The following SEPTIN11 variants were observed in gnomAD, a reference collection of about 807,000 sequenced individuals.
SEPTIN11 encodes septin 11.
SEPTIN11 carries 25 observed loss-of-function variants against 51.4 expected under a neutral mutation model. That is an observed-to-expected ratio of 0.49 (90% CI 0.35 to 0.68). The LOEUF is 0.68. Ranked by LOEUF, SEPTIN11 falls within the 30% of genes least tolerant of loss-of-function variation. The pLI, the probability that SEPTIN11 is intolerant of heterozygous loss-of-function variation, is 0.00. For synonymous variants in SEPTIN11, 174 were observed against 184.1 expected, an observed-to-expected ratio of 0.95 and a Z score of 0.44; for missense variants, 381 against 520.8, an observed-to-expected ratio of 0.73 and a Z score of 2.61.
intron 1 of SEPTIN11, chr4:76,973,098 C>T (rs1722318553): frequency 6.6e-6 from 1 of 152,198 alleles, no homozygotes; most frequent in Non-Finnish European, 1.5e-5. Context: ...GTGATGGGGC[C>T]TGTTATGCTT....
Position 77,028,612 on chromosome 4 carries a change from T to C in SEPTIN11, c.954-17T>C. The stretch of plus-strand genomic sequence containing the variant: ...ACAATTTCATGATGCTGTCCTTCGT[T>C]TGTGGATTTTCAATAGTCTTCAGGA... On this transcript the variant is annotated splice_polypyrimidine_tract_variant and intron_variant, in intron 7 of 9. Coordinates refer to ENST00000264893, the MANE Select transcript of SEPTIN11 (RefSeq NM_018243.4). The C allele has an allele frequency of 6.3e-7, 1 of 1,578,470 alleles. No individual in the cohort carries two copies. The highest frequency in any genetic ancestry group is 8.6e-7 in the Non-Finnish European group (1 of 1,166,238).
At chr4:77,005,491 T>C (rs935952289) in intron 2 of SEPTIN11, 110 bp from the exon 3 acceptor site, 2 of 944,056 alleles carry the variant, frequency 2.1e-6, no homozygotes, top group Non-Finnish European at 3.1e-6. Flanking sequence ...CTGGTGACAG[T>C]TTTTCTTTTT....
chr4:76,996,367 G>A, intron 1 of SEPTIN11, 58 bp from the exon 2 acceptor site: 1 of 1,146,118 alleles, frequency 8.7e-7, no homozygotes, highest in Non-Finnish European at 1.3e-6. Context: ...TTTGTGATAT[G>A]TGATATCCAG....
chr4:76,990,689 GA>G (rs1188472946), intron 1 of SEPTIN11, among the ~76,000 whole-genome samples: 1 of 152,180 alleles, frequency 6.6e-6, no homozygotes, highest in African/African-American at 2.4e-5. Flanking sequence ...CCTGTCCGTG[GA>G]AAAATGGTCT....
Position 76,999,919 on chromosome 4 carries a change from C to A in SEPTIN11, c.142+3380C>A, listed in dbSNP as rs569247974. ...AGCCACATTTTAGTTTAAATAAAGC[C>A]TTTCATATTTTACCCATGCTGTAAT... On this transcript the variant is annotated intron_variant, in intron 2 of 9. Transcript: ENST00000264893. Among the ~76,000 whole-genome samples, 315 of 152,266 alleles carry A rather than the reference C, an allele frequency of 2.1e-3. 1 individual carries two copies. Among genetic ancestry groups the A allele is most frequent in the Non-Finnish European group, 2.5e-3 (167 of 68,022 alleles).
At position 77,035,469 on chromosome 4, in the gene SEPTIN11, T is replaced by A; in HGVS notation, c.*957T>A. ...ATCATGAGAAAATTTCCACAGATAC[T>A]TCCCTTAGAAAATTTGCTATAAACT... On this transcript the variant is annotated 3_prime_UTR_variant, in exon 10 of 10. Coordinates refer to ENST00000264893, the MANE Select transcript of SEPTIN11 (RefSeq NM_018243.4). 1 of 985,408 alleles carries A rather than the reference T, an allele frequency of 1.0e-6. No individual in the cohort carries two copies. Among genetic ancestry groups the A allele is most frequent in the South Asian group, 4.7e-5 (1 of 21,288 alleles). The allele number at this position is 985,408 out of a possible 1,614,324, so 61.0% of individuals were successfully genotyped here. A position where few individuals can be genotyped will look rare whatever the true frequency, so the allele number is the denominator to read the frequency against.
chr4:77,016,647 T>TACAC (rs1199232307), intron 5 of SEPTIN11, among the ~76,000 whole-genome samples: 3 of 129,004 alleles, frequency 2.3e-5, no homozygotes, highest in East Asian at 2.2e-4. Flanking sequence ...TATATATATA[T>TACAC]ATATATATAC....
chr4:77,038,255 T>C lies in SEPTIN11; in HGVS notation c.*3743T>C. ...AAAAGCTGTGAACAGCATTAGAACT[T>C]TGTCTATTTCTTAATTTTAAAATAT... On this transcript the variant is annotated 3_prime_UTR_variant, in exon 10 of 10. Coordinates refer to ENST00000264893, the MANE Select transcript of SEPTIN11 (RefSeq NM_018243.4). 1 of 985,686 alleles carries C rather than the reference T, an allele frequency of 1.0e-6. No individual in the cohort carries two copies. Among genetic ancestry groups the C allele is most frequent in the Non-Finnish European group, 1.2e-6 (1 of 829,740 alleles). The allele number at this position is 985,686 out of a possible 1,614,324, so 61.1% of individuals were successfully genotyped here.
intron 7 of SEPTIN11, among the ~76,000 whole-genome samples, chr4:77,023,269 T>TACACACACACACACAC (rs61693678): frequency 7.2e-6 from 1 of 139,256 alleles, no homozygotes; most frequent in Admixed American, 7.4e-5. Flanking sequence ...GGAAAATGTA[T>TACACACACACACACAC]ACACACACAC....
At chr4:77,014,162 A>G (rs1385466106) in intron 4 of SEPTIN11, among the ~76,000 whole-genome samples, 2 of 152,192 alleles carry the variant, frequency 1.3e-5, no homozygotes, top group African/African-American at 4.8e-5. Context: ...TTATTCTGGC[A>G]TGAAGGAGTA....
At position 77,036,729 on chromosome 4, in the gene SEPTIN11, CT is replaced by C. The variant is rs1727051812; in HGVS notation, c.*2221del. Reference sequence around the variant, plus strand: ...AGCCCTGTTTAGTTTGTTATTGCTGCTTTTCTTTTTTCTTTCTGTATCTATG... The same window carrying C: ...AGCCCTGTTTAGTTTGTTATTGCTGCTTTCTTTTTTCTTTCTGTATCTATG... On this transcript the variant is annotated 3_prime_UTR_variant, in exon 10 of 10. Transcript: ENST00000264893. 6.5e-7 allele frequency: 1 copy of C among 1,535,068 alleles called. No individual in the cohort carries two copies. The highest frequency in any genetic ancestry group is 2.0e-5 in the Admixed American group (1 of 50,928).
At chr4:77,022,138 C>G (rs1296265040) in intron 7 of SEPTIN11, among the ~76,000 whole-genome samples, 2 of 152,128 alleles carry the variant, frequency 1.3e-5, no homozygotes, top group Non-Finnish European at 2.9e-5. Context: ...GTTACTAAAC[C>G]TGATGAAATG....
chr4:76,970,992 T>G (rs1722214156), intron 1 of SEPTIN11, among the ~76,000 whole-genome samples: 1 of 152,234 alleles, frequency 6.6e-6, no homozygotes, highest in African/African-American at 2.4e-5. Context: ...TCATTAGATA[T>G]CTTTGTCCTG....
intron 8 of SEPTIN11, 21 bp from the exon 9 acceptor site, chr4:77,030,762 C>T: frequency 1.9e-6 from 3 of 1,574,636 alleles, no homozygotes; most frequent in South Asian, 1.2e-5. Context: ...TTCACCAAGC[C>T]TGTTTTCTTT....
chr4:76,996,600 CGGAGAGACATGCTTCAGTGA>C, intron 2 of SEPTIN11, 61 bp downstream of exon 2: 3 of 1,170,552 alleles, frequency 2.6e-6, no homozygotes, highest in South Asian at 1.3e-5. Flanking sequence ...AGGTAACTGT[CGGAGAGACATGCTTCAGTGA>C]AATAAGAATG....
Position 77,020,651 on chromosome 4 carries a change from C to G in SEPTIN11, c.934C>G (p.Pro312Ala). 1 of 1,614,026 alleles carries G rather than the reference C, an allele frequency of 6.2e-7. No homozygotes were observed. Among genetic ancestry groups the G allele is most frequent in the Middle Eastern group, 1.6e-4 (1 of 6,062 alleles). The change falls in exon 7 of 10, where the codon CCT becomes GCT. Residue 312 changes from proline (P) to alanine (A), a missense_variant. Transcript: ENST00000264893. ...LEEMGFKDTD[P>A]DSKPFSLQET... ...AGAGATGGGGTTCAAGGACACTGAC[C>G]CTGACAGCAAACCCTTCAGGTATGA...
intron 1 of SEPTIN11, among the ~76,000 whole-genome samples, chr4:76,956,022 A>C (rs1721543354): frequency 6.6e-6 from 1 of 152,188 alleles, no homozygotes; most frequent in Admixed American, 6.5e-5. Flanking sequence ...TTTTATGAAA[A>C]CAGGAGAAGA....
chr4:77,020,388 T>G, intron 6 of SEPTIN11, 114 bp from the exon 7 acceptor site: 34 of 1,294,214 alleles, frequency 2.6e-5, no homozygotes, highest in Non-Finnish European at 3.2e-5. Context: ...CAGATGGTCT[T>G]GAGACCCCAG....
chr4:76,969,701 T>G (rs796561865), intron 1 of SEPTIN11, among the ~76,000 whole-genome samples: 1 of 152,160 alleles, frequency 6.6e-6, no homozygotes, highest in Non-Finnish European at 1.5e-5. Flanking sequence ...GTATCACAGC[T>G]GAGTAAACAC....
Sources: gnomAD v4.1 joint callset for allele counts (sites outside exome capture counted in the v4.1 genomes callset) on GRCh38, gnomAD v4.1.1 for gene constraint, MANE v1.5 for transcripts, NCBI Gene and HGNC (gene_info 2026-07-23, HGNC 2026-07-21) for gene names.